Variants in ABTB2 observed in about 807,000 individuals in gnomAD.
The protein encoded by ABTB2 is ankyrin repeat and BTB/POZ domain-containing protein 2.
Under a neutral mutation model 104.1 loss-of-function variants are expected in ABTB2, and 56 were observed. The ratio of observed to expected loss-of-function variants is 0.54; its 90% confidence interval spans 0.43 to 0.67. ABTB2 has a LOEUF of 0.67. Ranked by LOEUF, ABTB2 falls within the 30% of genes least tolerant of loss-of-function variation. The pLI, the probability that ABTB2 is intolerant of heterozygous loss-of-function variation, is 0.00. For missense variants in ABTB2, 1,279 were observed against 1,407.7 expected, an observed-to-expected ratio of 0.91 and a Z score of 1.46; for synonymous variants, 606 against 608.2, an observed-to-expected ratio of 1.00 and a Z score of 0.05.
intron 1 of ABTB2, among the ~76,000 whole-genome samples, chr11:34,299,359 T>TA (rs1358464825): frequency 6.6e-6 from 1 of 152,168 alleles, no homozygotes; most frequent in East Asian, 1.9e-4. Context: ...TGGTTTTTTT[T>TA]AAAAAAATAA....
intron 1 of ABTB2, among the ~76,000 whole-genome samples, chr11:34,235,086 C>T (rs981104979): frequency 6.6e-6 from 1 of 152,126 alleles, no homozygotes; most frequent in Admixed American, 6.5e-5. Flanking sequence ...TGGTCTCGAT[C>T]TCCTGACCTT....
At position 34,356,932 on chromosome 11, in the gene ABTB2, G is replaced by GGAC; in HGVS notation, c.651_652insGTC (p.Thr217_Arg218insVal). 1 of 1,601,366 alleles carries GGAC rather than the reference G, an allele frequency of 6.2e-7. No homozygotes were observed. The highest frequency in any genetic ancestry group is 8.5e-7 in the Non-Finnish European group (1 of 1,174,324). On this transcript the variant is annotated inframe_insertion, in exon 1 of 17. Transcript: ENST00000435224. The surrounding 1 kb of genome is among the most constrained non-coding windows in gnomAD (Gnocchi z 4.6). ...TACTCGTGGATGCGCACGGAGATTC[G>GGAC]GGTGTCCACCATCCAGCGGAAAAAG...
chr11:34,344,323 G>C (rs975804076), intron 1 of ABTB2, among the ~76,000 whole-genome samples: 2 of 152,184 alleles, frequency 1.3e-5, no homozygotes, highest in African/African-American at 4.8e-5. Context: ...AAATTCAGGG[G>C]CTTTTATGGC....
chr11:34,240,654 G>A (rs919756579), intron 1 of ABTB2, among the ~76,000 whole-genome samples: 8 of 152,206 alleles, frequency 5.3e-5, no homozygotes, highest in Non-Finnish European at 1.2e-4. Context: ...GTGCAGTGGT[G>A]TGATCTCGGC....
chr11:34,174,182 G>A (rs1191588848), intron 3 of ABTB2, among the ~76,000 whole-genome samples: 2 of 152,194 alleles, frequency 1.3e-5, no homozygotes, highest in African/African-American at 4.8e-5. Flanking sequence ...AAAATAAGCC[G>A]GGCTTGGTGG....
At chr11:34,335,815 G>A (rs144418230) in intron 1 of ABTB2, 15 of 1,341,530 alleles carry the variant, frequency 1.1e-5, no homozygotes, top group Non-Finnish European at 1.5e-5. Context: ...AGGTCCAAAC[G>A]GTCCCATAGT....
Position 34,171,072 on chromosome 11 carries a change from C to T in ABTB2, c.1398-1G>A. The T allele has an allele frequency of 6.2e-7, 1 of 1,613,888 alleles. No homozygotes were observed. Among genetic ancestry groups the T allele is most frequent in the Non-Finnish European group, 8.5e-7 (1 of 1,179,868 alleles). ...GAAGGAACTGAAACAGTGTTCGGGT[C>T]TGCCCAGAAGAGACCCAAAGGTGCG... On this transcript the variant is annotated splice_acceptor_variant, in intron 4 of 16. Transcript: ENST00000435224. LOFTEE classifies it high-confidence loss of function.
rs566447905 is a variant in ABTB2 at position 34,299,385 on chromosome 11, G to A, written c.883+57316C>T. Among the ~76,000 whole-genome samples the A allele has an allele frequency of 5.3e-5, 8 of 152,276 alleles. No homozygotes were observed. The South Asian group carries it at 1.7e-3, about 32-fold the overall frequency. ...AAAAAAATAATCATTTAAGCAAGAC[G>A]TTCCTCTGATGTTTAAGCCAAGATC... On this transcript the variant is annotated intron_variant, in intron 1 of 16. Coordinates refer to ENST00000435224, the MANE Select transcript of ABTB2 (RefSeq NM_145804.3).
chr11:34,229,878 T>A lies in ABTB2; in HGVS notation c.884-25188A>T, dbSNP rs555519162. On this transcript the variant is annotated intron_variant, in intron 1 of 16. Transcript: ENST00000435224. ...CTTATTACACCAAACAGCATTTTCT[T>A]ATGGCATTAGCTATCTTTGGAACGG... Among the ~76,000 whole-genome samples the A allele has an allele frequency of 1.2e-4, 19 of 152,362 alleles. No individual in the cohort carries two copies. The East Asian group carries it at 3.5e-3, about 28-fold the overall frequency.
chr11:34,333,212 C>G (rs752424281), intron 1 of ABTB2, among the ~76,000 whole-genome samples: 1 of 152,084 alleles, frequency 6.6e-6, no homozygotes, highest in Non-Finnish European at 1.5e-5. Context: ...TGGCAGGAGT[C>G]AGAATAATAG....
rs772616594 is a variant in ABTB2, at chr11:34,197,321, C to T, written c.1244+4G>A. ...CAGGTGCTCAGCCCAAGGAAGATCC[C>T]TACCGTTCATTGTTCAAGGTCATTC... On this transcript the variant is annotated splice_donor_region_variant and intron_variant, in intron 3 of 16. Coordinates refer to ENST00000435224, the MANE Select transcript of ABTB2 (RefSeq NM_145804.3). 3.7e-6 allele frequency: 6 copies of T among 1,613,920 alleles called. No individual in the cohort carries two copies. The South Asian group carries it at 6.6e-5, about 18-fold the overall frequency.
At chr11:34,237,268 T>C (rs894407941) in intron 1 of ABTB2, among the ~76,000 whole-genome samples, 6 of 150,486 alleles carry the variant, frequency 4.0e-5, no homozygotes, top group African/African-American at 1.2e-4. Context: ...GTGATTTTCC[T>C]GGATATTCTT....
intron 1 of ABTB2, among the ~76,000 whole-genome samples, chr11:34,259,614 T>C (rs1854164784): frequency 6.6e-6 from 1 of 152,164 alleles, no homozygotes; most frequent in Non-Finnish European, 1.5e-5. Flanking sequence ...CACTGTCTCT[T>C]TCTCTCCCTT....
At chr11:34,182,981 A>T (rs1241221636) in intron 3 of ABTB2, among the ~76,000 whole-genome samples, 1 of 152,136 alleles carries the variant, frequency 6.6e-6, no homozygotes, top group Non-Finnish European at 1.5e-5. Context: ...CCTGAGTCTA[A>T]GCTTCTGAAG....
At chr11:34,261,498 T>C (rs1854188415) in intron 1 of ABTB2, among the ~76,000 whole-genome samples, 1 of 84,504 alleles carries the variant, frequency 1.2e-5, no homozygotes, top group African/African-American at 8.0e-5. Context: ...AAAAGTACTT[T>C]TTTTTTTTTT....
intron 1 of ABTB2, among the ~76,000 whole-genome samples, chr11:34,322,951 C>G (rs766223280): frequency 2.7e-4 from 41 of 152,194 alleles, no homozygotes; most frequent in Admixed American, 1.8e-3. Flanking sequence ...GCTCTATCGC[C>G]CAGGCTGGAG....
chr11:34,248,858 C>T lies in ABTB2; in HGVS notation c.884-44168G>A, dbSNP rs192019186. Reference sequence around the variant, plus strand: ...CATAAAGGCATACCACAGCCGGGCGCGGTGGCTCACGCCTGTAATCCCAGC... The same window carrying T: ...CATAAAGGCATACCACAGCCGGGCGTGGTGGCTCACGCCTGTAATCCCAGC... On this transcript the variant is annotated intron_variant, in intron 1 of 16. Transcript: ENST00000435224. Among the ~76,000 whole-genome samples, 860 of 152,310 alleles carry T rather than the reference C, an allele frequency of 5.6e-3. 2 individuals are homozygous for T. Among genetic ancestry groups the T allele is most frequent in the Middle Eastern group, 0.01 (3 of 292 alleles).
At chr11:34,227,286 G>GAAA (rs55966959) in intron 1 of ABTB2, among the ~76,000 whole-genome samples, 1 of 125,210 alleles carries the variant, frequency 8.0e-6, no homozygotes, top group Non-Finnish European at 1.7e-5. Context: ...AAAAAAAAAA[G>GAAA]AAAAAAAAAA....
chr11:34,172,354 A>T (rs903268040), intron 4 of ABTB2, among the ~76,000 whole-genome samples: 1 of 134,554 alleles, frequency 7.4e-6, no homozygotes. Flanking sequence ...CCTGGGCAAC[A>T]GAGTGAAACT....
Sources: gnomAD v4.1 joint callset for allele counts (sites outside exome capture counted in the v4.1 genomes callset) on GRCh38, gnomAD v4.1.1 for gene constraint, Gnocchi (gnomAD v3.1) non-coding constraint, MANE v1.5 for transcripts, NCBI Gene and HGNC (gene_info 2026-07-23, HGNC 2026-07-21) for gene names.